TRIM66: variants seen among roughly 807,000 people sequenced by gnomAD.
TRIM66 encodes tripartite motif-containing protein 66.
In TRIM66, 99 loss-of-function variants were observed where a neutral mutation model predicts 148.2. That is an observed-to-expected ratio of 0.67 (90% CI 0.57 to 0.79). TRIM66 has a LOEUF of 0.79. Ranked by LOEUF, TRIM66 falls within the 30% of genes least tolerant of loss-of-function variation. The probability of loss-of-function intolerance (pLI) is 0.00; values close to 1 mark genes in which losing one functional copy is unlikely to be tolerated. For missense variants in TRIM66, 1,666 were observed against 1,697.9 expected (o/e 0.98, Z 0.33); for synonymous variants, 616 against 635.9 (o/e 0.97, Z 0.47).
At chr11:8,665,285 T>C (rs1172950466) in intron 6 of TRIM66, among the ~76,000 whole-genome samples, 1 of 152,224 alleles carries the variant, frequency 6.6e-6, no homozygotes, top group Non-Finnish European at 1.5e-5. Flanking sequence ...GGTATTTCAC[T>C]AGGCTAGCCA....
At chr11:8,666,350 A>C (rs1378064854) in intron 6 of TRIM66, among the ~76,000 whole-genome samples, 1 of 144,250 alleles carries the variant, frequency 6.9e-6, no homozygotes, top group East Asian at 1.9e-4. Flanking sequence ...AGAAAAAAAA[A>C]AAAAAAAAAA....
chr11:8,623,851 A>C (rs1016995071), intron 17 of TRIM66, among the ~76,000 whole-genome samples: 13 of 152,164 alleles, frequency 8.5e-5, no homozygotes, highest in Non-Finnish European at 7.3e-5. Flanking sequence ...TACTCAGAGG[A>C]AGTTATCAAA....
intron 6 of TRIM66, chr11:8,663,008 A>T (rs2038360627): frequency 6.6e-6 from 1 of 152,222 alleles, no homozygotes; most frequent in Non-Finnish European, 1.5e-5. Context: ...TAGCCAAAAA[A>T]GCAAATAGCC....
chr11:8,612,967 G>C lies in TRIM66; in HGVS notation c.*4977C>G, dbSNP rs1021061505. 11 of 152,344 alleles carry C rather than the reference G, an allele frequency of 7.2e-5. No homozygotes were observed. Among genetic ancestry groups the C allele is most frequent in the African/African-American group, 2.6e-4 (11 of 41,574 alleles). 9.4% of individuals were successfully genotyped at this position (152,344 alleles called of 1,614,324 possible). A position where few individuals can be genotyped will look rare whatever the true frequency, so the allele number is the denominator to read the frequency against. On this transcript the variant is annotated 3_prime_UTR_variant, in exon 25 of 25. Coordinates refer to ENST00000646038, the MANE Select transcript of TRIM66 (RefSeq NM_001388022.1). ...CCACACCCTTGGGCTGACTTAGATG[G>C]GGTCTCTTAGCAAACAGGCTAAAAC...
chr11:8,628,920 T>C (rs1250183854), intron 15 of TRIM66, among the ~76,000 whole-genome samples: 1 of 152,248 alleles, frequency 6.6e-6, no homozygotes, highest in African/African-American at 2.4e-5. Context: ...TAAACACAGA[T>C]GAGTTAAATA....
At chr11:8,637,801 G>A (rs534728327) in intron 15 of TRIM66, among the ~76,000 whole-genome samples, 55 of 152,264 alleles carry the variant, frequency 3.6e-4, no homozygotes, top group African/African-American at 1.3e-3. Flanking sequence ...AGGGCACCAG[G>A]CCAGAGAAGA....
intron 9 of TRIM66, 106 bp downstream of exon 9, chr11:8,648,310 G>A: frequency 6.8e-7 from 1 of 1,475,992 alleles, no homozygotes; most frequent in Non-Finnish European, 9.1e-7. Context: ...GCTGCAGGTT[G>A]GCTTGGGCAG....
Position 8,625,122 on chromosome 11 carries a change from T to C in TRIM66, c.2417A>G (p.Asn806Ser), listed in dbSNP as rs1175081176. Residue 806 changes from asparagine to serine, a missense_variant, in exon 16 of 25, where the codon AAC becomes AGC. Physicochemically the swap from Asn to Ser is conservative, Grantham distance 46. Coordinates refer to ENST00000646038, the MANE Select transcript of TRIM66 (RefSeq NM_001388022.1). The stretch of plus-strand genomic sequence containing the variant: ...TGCCTGGGGGGCACCAGCTGTCAGG[T>C]TGCTCACACTCTGGATCTGTGGCTC... ...PLEPQIQSVS[N>S]LTAGAPQAVP... The C allele has an allele frequency of 3.9e-6, 6 of 1,551,624 alleles. No individual in the cohort carries two copies. The highest frequency in any genetic ancestry group is 1.2e-5 in the South Asian group (1 of 84,058).
rs2037770274 is a variant in TRIM66, at chr11:8,655,728, G to A, written c.341-3825C>T. ...AGCTAGGAGGCGGAACTTGCAGTGA[G>A]CTGAGATTATGCCACTGCACTCCAG... On this transcript the variant is annotated intron_variant, in intron 6 of 24. Transcript: ENST00000646038. 3.3e-5 allele frequency among the ~76,000 whole-genome samples: 5 copies of A among 152,074 alleles called. No homozygotes were observed. The South Asian group carries it at 1.0e-3, about 32-fold the overall frequency.
chr11:8,660,313 C>T (rs765053723), intron 6 of TRIM66, among the ~76,000 whole-genome samples: 3 of 152,182 alleles, frequency 2.0e-5, no homozygotes, highest in Non-Finnish European at 4.4e-5. Context: ...CCCTCCCCTG[C>T]GTGTGCCTCA....
intron 9 of TRIM66, 34 bp from the exon 10 acceptor site, chr11:8,648,120 G>A: frequency 6.6e-7 from 1 of 1,510,524 alleles, no homozygotes; most frequent in Non-Finnish European, 9.0e-7. Flanking sequence ...GCTGAGAAGG[G>A]CTGAGTCCTA....
intron 15 of TRIM66, among the ~76,000 whole-genome samples, chr11:8,628,187 TA>T (rs951001297): frequency 4.9e-4 from 74 of 152,132 alleles, no homozygotes; most frequent in African/African-American, 1.6e-3. Flanking sequence ...CTCACTCCAC[TA>T]GCTAAGACCT....
chr11:8,666,733 T>C (rs1464681046), intron 6 of TRIM66, among the ~76,000 whole-genome samples: 1 of 152,198 alleles, frequency 6.6e-6, no homozygotes, highest in African/African-American at 2.4e-5. Flanking sequence ...TGGCCAAATA[T>C]ACTGACACCA....
chr11:8,617,596 A>C lies in TRIM66; in HGVS notation c.*348T>G. 2 of 280,640 alleles carry C rather than the reference A, an allele frequency of 7.1e-6. No homozygotes were observed. The allele number at this position is 280,640 out of a possible 1,614,324, so 17.4% of individuals were successfully genotyped here. ...CATGGCTCCTGAGCCCTGGACACTA[A>C]AAGGTTAGACGGGTCTGCTTTCCCA... On this transcript the variant is annotated 3_prime_UTR_variant, in exon 25 of 25. Transcript: ENST00000646038.
chr11:8,640,924 G>C lies in TRIM66; in HGVS notation c.1451C>G (p.Pro484Arg). Residue 484 changes from proline (P) to arginine (R), a missense_variant, in exon 14 of 25, where the codon CCC becomes CGC. Around this residue, in one of 3 missense-constraint regions of TRIM66, gnomAD observed 1,431 missense variants for 1,412.4 expected, o/e 1.01. Coordinates refer to ENST00000646038, the MANE Select transcript of TRIM66 (RefSeq NM_001388022.1). ...SPSLKGQVPP[P>R]SIHPAHSFRQ... ...GAAGCTGTGGGCTGGGTGTATGCTG[G>C]GTGGGGGGACCTGGCCTTTGAGGGA... The C allele has an allele frequency of 6.4e-7, 1 of 1,550,962 alleles. No individual in the cohort carries two copies. Among genetic ancestry groups the C allele is most frequent in the Non-Finnish European group, 8.7e-7 (1 of 1,146,956 alleles).
chr11:8,645,799 A>C lies in TRIM66; in HGVS notation c.1046T>G (p.Phe349Cys), dbSNP rs1019762946. ...LNRQFEHVQN[F>C]INWAVCSKTS... ...TTTGCTGCAGACAGCCCAGTTGATG[A>C]AATTCTGCACATGCTCAAACTGACG... The change falls in exon 12 of 25, where the codon TTC becomes TGC. Residue 349 changes from phenylalanine to cysteine, a missense_variant. Phe to Cys is a radical substitution (Grantham distance 205, BLOSUM62 -2). Transcript: ENST00000646038. 6.4e-7 allele frequency: 1 copy of C among 1,551,650 alleles called. No individual in the cohort carries two copies. The highest frequency in any genetic ancestry group is 1.4e-5 in the African/African-American group (1 of 73,048).
intron 23 of TRIM66, 81 bp from the exon 24 acceptor site, chr11:8,619,049 G>T: frequency 7.7e-7 from 1 of 1,304,602 alleles, no homozygotes; most frequent in Non-Finnish European, 1.1e-6. Context: ...GCTACACAGA[G>T]CACAAAGCCT....
chr11:8,673,381 T>C (rs1249504303), intron 4 of TRIM66, among the ~76,000 whole-genome samples: 1 of 152,166 alleles, frequency 6.6e-6, no homozygotes, highest in Non-Finnish European at 1.5e-5. Flanking sequence ...CACAATATGA[T>C]TTTGGGGGTA....
Position 8,612,177 on chromosome 11 carries a change from G to A in TRIM66, c.*5767C>T, listed in dbSNP as rs1056935776. 2.6e-5 allele frequency: 4 copies of A among 152,156 alleles called. No individual in the cohort carries two copies. Among genetic ancestry groups the A allele is most frequent in the African/African-American group, 9.7e-5 (4 of 41,420 alleles). 9.4% of individuals were successfully genotyped at this position (152,156 alleles called of 1,614,324 possible). A position where few individuals can be genotyped will look rare whatever the true frequency, so the allele number is the denominator to read the frequency against. ...AATAGCCACTCCTAACAAGGGCCTA[G>A]GAGGAACTCATCCTACATAGCCAAG... On this transcript the variant is annotated 3_prime_UTR_variant, in exon 25 of 25. Transcript: ENST00000646038.
Sources: allele counts gnomAD v4.1 joint callset (sites outside exome capture counted in the v4.1 genomes callset), GRCh38; gene constraint gnomAD v4.1.1; regional missense constraint gnomAD v4.1.1; transcripts MANE v1.5; gene names NCBI Gene and HGNC (gene_info 2026-07-23, HGNC 2026-07-21).